Variants in CNNM4 observed in about 807,000 individuals in gnomAD.
CNNM4 encodes metal transporter CNNM4.
In CNNM4, 32 loss-of-function variants were observed where a neutral mutation model predicts 53.7. That is an observed-to-expected ratio of 0.60 (90% CI 0.45 to 0.80). The LOEUF (loss-of-function observed/expected upper bound fraction) is 0.80. Ranked by LOEUF, CNNM4 falls within the 30% of genes least tolerant of loss-of-function variation. The pLI is 0.00. For missense variants in CNNM4, 784 were observed against 1,022.0 expected, an observed-to-expected ratio of 0.77 and a Z score of 3.17; for synonymous variants, 410 against 440.0, an observed-to-expected ratio of 0.93 and a Z score of 0.85.
chr2:96,773,370 A>AT (rs1231003613), intron 1 of CNNM4, among the ~76,000 whole-genome samples: 1 of 152,126 alleles, frequency 6.6e-6, no homozygotes, highest in Non-Finnish European at 1.5e-5. Context: ...AATATTAGTT[A>AT]TTTTTAAAAT....
chr2:96,809,735 C>T lies in CNNM4; in HGVS notation c.*218C>T, dbSNP rs2079241362. The T allele has an allele frequency of 2.0e-6, 1 of 490,408 alleles. No homozygotes were observed. Among genetic ancestry groups the T allele is most frequent in the Non-Finnish European group, 3.6e-6 (1 of 276,156 alleles). The allele number at this position is 490,408 out of a possible 1,614,324, so 30.4% of individuals were successfully genotyped here. A position where few individuals can be genotyped will look rare whatever the true frequency, so the allele number is the denominator to read the frequency against. ...AGCCCTGGATAGGGGGGGCAGTGGGCCAGCTACCGTAAGCAAAGGCTGTTT... is the reference window on the plus strand; with the variant it reads ...AGCCCTGGATAGGGGGGGCAGTGGGTCAGCTACCGTAAGCAAAGGCTGTTT... On this transcript the variant is annotated 3_prime_UTR_variant, in exon 7 of 7. Coordinates refer to ENST00000377075, the MANE Select transcript of CNNM4 (RefSeq NM_020184.4).
At position 96,808,004 on chromosome 2, in the gene CNNM4, T is replaced by G. The variant is rs1574088712; in HGVS notation, c.1949-557T>G. Among the ~76,000 whole-genome samples, 1 of 152,100 alleles carries G rather than the reference T, an allele frequency of 6.6e-6. No homozygotes were observed. Among genetic ancestry groups the G allele is most frequent in the East Asian group, 2.0e-4 (1 of 5,124 alleles). ...CCCAGGTTCAAGCGATTCTCCTGCC[T>G]CAGCCTCCCAAGTAGCCGGGATTAC... On this transcript the variant is annotated intron_variant, in intron 5 of 6. Transcript: ENST00000377075. The surrounding 1 kb of genome is among the most constrained non-coding windows in gnomAD (Gnocchi z 4.9).
chr2:96,802,287 G>T (rs574569779), intron 5 of CNNM4, among the ~76,000 whole-genome samples: 1 of 152,146 alleles, frequency 6.6e-6, no homozygotes, highest in Non-Finnish European at 1.5e-5. Context: ...GGGAGTGGAG[G>T]GTTGCTCCTG....
intron 1 of CNNM4, among the ~76,000 whole-genome samples, chr2:96,768,943 G>T (rs998388163): frequency 2.0e-5 from 3 of 152,198 alleles, no homozygotes; most frequent in Non-Finnish European, 4.4e-5. Context: ...CCAGGACAAC[G>T]CTAAAAGGTT....
At chr2:96,784,290 A>G (rs559452230) in intron 1 of CNNM4, among the ~76,000 whole-genome samples, 5 of 152,288 alleles carry the variant, frequency 3.3e-5, no homozygotes, top group Non-Finnish European at 5.9e-5. Flanking sequence ...AAAAGTCCTT[A>G]TCTTTTAGAG....
Position 96,797,413 on chromosome 2 carries a change from G to A in CNNM4, c.1547-100G>A. 1 of 1,537,198 alleles carries A rather than the reference G, an allele frequency of 6.5e-7. No individual in the cohort carries two copies. The highest frequency in any genetic ancestry group is 2.2e-5 in the East Asian group (1 of 44,542). ...CAGCCAGAGCCTGCTGCTCCTGCGT[G>A]GGACTAGGGGCTGGAGAGCAGGAGC... On this transcript the variant is annotated intron_variant, in intron 2 of 6. Coordinates refer to ENST00000377075, the MANE Select transcript of CNNM4 (RefSeq NM_020184.4). This position sits in a 1 kb window ranked among gnomAD's most constrained non-coding sequence, Gnocchi z 6.0.
At chr2:96,784,079 T>C (rs2078997289) in intron 1 of CNNM4, among the ~76,000 whole-genome samples, 1 of 152,172 alleles carries the variant, frequency 6.6e-6, no homozygotes, top group Admixed American at 6.6e-5. Flanking sequence ...AAAAAAACTC[T>C]GTCTCTACGA....
chr2:96,783,317 C>T (rs376952440), intron 1 of CNNM4, among the ~76,000 whole-genome samples: 1 of 152,146 alleles, frequency 6.6e-6, no homozygotes, highest in African/African-American at 2.4e-5. Flanking sequence ...TCTGAGAATA[C>T]GGACTGGGTG....
At chr2:96,796,299 C>T (rs1161539872) in intron 1 of CNNM4, among the ~76,000 whole-genome samples, 3 of 151,752 alleles carry the variant, frequency 2.0e-5, no homozygotes, top group African/African-American at 4.8e-5. Flanking sequence ...TGTGTACTAC[C>T]ACACCTAGCT....
chr2:96,800,563 G>C lies in CNNM4; in HGVS notation c.1948+915G>C, dbSNP rs1255296210. 6.6e-6 allele frequency among the ~76,000 whole-genome samples: 1 copy of C among 152,236 alleles called. No individual in the cohort carries two copies. Among genetic ancestry groups the C allele is most frequent in the East Asian group, 1.9e-4 (1 of 5,190 alleles). On this transcript the variant is annotated intron_variant, in intron 5 of 6. Coordinates refer to ENST00000377075, the MANE Select transcript of CNNM4 (RefSeq NM_020184.4). This position sits in a 1 kb window ranked among gnomAD's most constrained non-coding sequence, Gnocchi z 4.6. ...TGTCCTCGGCCCCTCCACCAGATGAGTGGGGCATGGCAGGCTCCCTGGGCA... is the reference window on the plus strand; with the variant it reads ...TGTCCTCGGCCCCTCCACCAGATGACTGGGGCATGGCAGGCTCCCTGGGCA...
chr2:96,787,333 T>TA (rs1401701656), intron 1 of CNNM4, among the ~76,000 whole-genome samples: 6 of 152,208 alleles, frequency 3.9e-5, no homozygotes, highest in Non-Finnish European at 2.9e-5. Context: ...ATATGATAGG[T>TA]AAAAAATGAG....
At chr2:96,764,933 G>A (rs1404225013) in intron 1 of CNNM4, among the ~76,000 whole-genome samples, 1 of 146,354 alleles carries the variant, frequency 6.8e-6, no homozygotes, top group Non-Finnish European at 1.5e-5. Context: ...GTTGCAGTGA[G>A]CCCAGATCGC....
In CNNM4 at chr2:96,764,912, G is replaced by A. The variant is rs1040635474; in HGVS notation, c.1402+2511G>A. ...TGAGGCAGGAGAATCGCTTGAACCC[G>A]GGAGGCAGAGGTTGCAGTGAGCCCA... On this transcript the variant is annotated intron_variant, in intron 1 of 6. Transcript: ENST00000377075. Among the ~76,000 whole-genome samples, 6 of 151,536 alleles carry A rather than the reference G, an allele frequency of 4.0e-5. No homozygotes were observed. In the South Asian group the frequency reaches 1.0e-3, roughly 26 times the overall value.
intron 1 of CNNM4, among the ~76,000 whole-genome samples, chr2:96,775,447 G>T (rs150792215): frequency 1.6e-4 from 25 of 152,234 alleles, no homozygotes; most frequent in African/African-American, 5.8e-4. Context: ...TAATATTGTT[G>T]ATGGACATTG....
intron 4 of CNNM4, 82 bp downstream of exon 4, chr2:96,799,308 G>A (rs886878042): frequency 1.1e-5 from 17 of 1,554,190 alleles, no homozygotes; most frequent in Admixed American, 6.7e-5. Context: ...CACCTGCTGC[G>A]GAGGTGCATG....
chr2:96,806,779 C>T (rs1430881219), intron 5 of CNNM4, among the ~76,000 whole-genome samples: 1 of 152,138 alleles, frequency 6.6e-6, no homozygotes, highest in Non-Finnish European at 1.5e-5. Flanking sequence ...TAATGATATA[C>T]AGTAACGTAT....
intron 3 of CNNM4, 39 bp from the exon 4 acceptor site, chr2:96,799,018 G>A: frequency 6.2e-7 from 1 of 1,608,634 alleles, no homozygotes; most frequent in Non-Finnish European, 8.5e-7. Flanking sequence ...GGGCCACCTG[G>A]CCAGCCCCGT....
intron 1 of CNNM4, among the ~76,000 whole-genome samples, chr2:96,793,384 G>A (rs2079077972): frequency 6.6e-6 from 1 of 152,252 alleles, no homozygotes; most frequent in East Asian, 1.9e-4. Context: ...GAGGGTGACT[G>A]ACTGGCCCCT....
At chr2:96,792,884 T>G (rs1456633256) in intron 1 of CNNM4, among the ~76,000 whole-genome samples, 15 of 147,406 alleles carry the variant, frequency 1.0e-4, no homozygotes, top group Non-Finnish European at 3.0e-5. Flanking sequence ...GAGACAGGAG[T>G]GTTGGGGGGA....
Sources: allele counts gnomAD v4.1 joint callset (sites outside exome capture counted in the v4.1 genomes callset), GRCh38; gene constraint gnomAD v4.1.1; non-coding constraint Gnocchi (gnomAD v3.1); transcripts MANE v1.5; gene names NCBI Gene and HGNC (gene_info 2026-07-23, HGNC 2026-07-21).